The following PXDNL variants were observed in gnomAD, a reference collection of about 807,000 sequenced individuals.
The protein encoded by PXDNL is peroxidasin like.
PXDNL carries 145 observed loss-of-function variants against 150.8 expected under a neutral mutation model. The observed-to-expected ratio is 0.96, with a 90% confidence interval of 0.84 to 1.10. PXDNL has a LOEUF of 1.10. Ranked by LOEUF, PXDNL falls within the 50% of genes least tolerant of loss-of-function variation. PXDNL has a pLI of 0.00. For missense variants in PXDNL, 2,087 were observed against 1,873.9 expected (o/e 1.11, Z -2.10); for synonymous variants, 757 against 725.7 (o/e 1.04, Z -0.69).
intron 3 of PXDNL, among the ~76,000 whole-genome samples, chr8:51,585,853 G>A (rs1563473888): frequency 6.6e-6 from 1 of 151,778 alleles, no homozygotes; most frequent in African/African-American, 2.4e-5. Flanking sequence ...AGACCAACCT[G>A]CCACCCACCC....
At position 51,543,725 on chromosome 8, in the gene PXDNL, A is replaced by G. The variant is rs535169431; in HGVS notation, c.380+13115T>C. On this transcript the variant is annotated intron_variant, in intron 4 of 22. Coordinates refer to ENST00000356297, the MANE Select transcript of PXDNL (RefSeq NM_144651.5). ...GACTCCATATCAAAAAAAAAAAAAA[A>G]AAAAAAGAAAGAAAGAAATAATGAC... 2.2e-3 allele frequency among the ~76,000 whole-genome samples: 334 copies of G among 149,892 alleles called. 1 individual carries two copies. Among genetic ancestry groups the G allele is most frequent in the African/African-American group, 6.3e-3 (251 of 39,880 alleles).
chr8:51,407,709 G>C (rs1808475808), intron 17 of PXDNL, among the ~76,000 whole-genome samples: 1 of 152,156 alleles, frequency 6.6e-6, no homozygotes, highest in Non-Finnish European at 1.5e-5. Context: ...TGATCGGCCA[G>C]TTTATTTTAT....
At chr8:51,625,895 C>T (rs528586999) in intron 2 of PXDNL, among the ~76,000 whole-genome samples, 73 of 152,210 alleles carry the variant, frequency 4.8e-4, no homozygotes, top group African/African-American at 1.7e-3. Flanking sequence ...AACAGCCAAG[C>T]GAAGATTTAA....
Position 51,408,686 on chromosome 8 carries a change from T to C in PXDNL, c.2938A>G (p.Arg980Gly). ...AGGGCGGACAGCTCCGTGGCCATCC[T>C]GTTGTGTTCCCGGAACCACAGGGTG... ...MHTLWFREHN[R>G]MATELSALNP... Residue 980 changes from arginine to glycine, a missense_variant, in exon 17 of 23, where the codon AGG becomes GGG. By Grantham distance (125) the Arg-to-Gly change is moderately radical (BLOSUM62 -2). Coordinates refer to ENST00000356297, the MANE Select transcript of PXDNL (RefSeq NM_144651.5). 6.3e-7 allele frequency: 1 copy of C among 1,596,212 alleles called. No homozygotes were observed. Among genetic ancestry groups the C allele is most frequent in the Middle Eastern group, 1.7e-4 (1 of 6,042 alleles).
chr8:51,489,165 G>A (rs1010073677), intron 5 of PXDNL, among the ~76,000 whole-genome samples: 3 of 152,106 alleles, frequency 2.0e-5, no homozygotes, highest in Non-Finnish European at 2.9e-5. Flanking sequence ...ATCTCTAGAA[G>A]AGAAGACAGA....
intron 5 of PXDNL, among the ~76,000 whole-genome samples, chr8:51,497,809 A>G (rs1811088327): frequency 6.6e-6 from 1 of 152,238 alleles, no homozygotes; most frequent in Non-Finnish European, 1.5e-5. Context: ...GTGGAGAAAC[A>G]GGAACACTTT....
At chr8:51,796,363 C>CA (rs955277456) in intron 1 of PXDNL, among the ~76,000 whole-genome samples, 4 of 143,592 alleles carry the variant, frequency 2.8e-5, no homozygotes, top group African/African-American at 5.1e-5. Flanking sequence ...AAAAAACCTT[C>CA]AAAAAAATCA....
At chr8:51,388,862 G>C (rs943616892) in intron 17 of PXDNL, among the ~76,000 whole-genome samples, 3 of 151,658 alleles carry the variant, frequency 2.0e-5, no homozygotes, top group African/African-American at 7.3e-5. Flanking sequence ...TAGCTACTGA[G>C]ATCTTAATTT....
At chr8:51,648,579 G>C (rs1188351798) in intron 2 of PXDNL, among the ~76,000 whole-genome samples, 1 of 152,180 alleles carries the variant, frequency 6.6e-6, no homozygotes, top group Non-Finnish European at 1.5e-5. Context: ...AGAATTGTGA[G>C]AGAATCCATT....
At chr8:51,686,987 C>A (rs1430866128) in intron 1 of PXDNL, among the ~76,000 whole-genome samples, 2 of 151,974 alleles carry the variant, frequency 1.3e-5, no homozygotes, top group African/African-American at 4.8e-5. Context: ...GGACATTTTT[C>A]AGTAAAATAA....
intron 3 of PXDNL, among the ~76,000 whole-genome samples, chr8:51,569,238 G>T (rs1812881030): frequency 6.6e-6 from 1 of 151,846 alleles, no homozygotes; most frequent in African/African-American, 2.4e-5. Flanking sequence ...AAGGTGACTT[G>T]CAGCTTATTT....
chr8:51,775,578 T>C (rs1352229981), intron 1 of PXDNL, among the ~76,000 whole-genome samples: 1 of 152,198 alleles, frequency 6.6e-6, no homozygotes, highest in Admixed American at 6.5e-5. Context: ...CTTTTATAAT[T>C]TCTTATGCCT....
At chr8:51,378,730 G>A (rs1443031334) in intron 17 of PXDNL, among the ~76,000 whole-genome samples, 1 of 149,196 alleles carries the variant, frequency 6.7e-6, no homozygotes, top group Non-Finnish European at 1.5e-5. Context: ...GGACAGGACG[G>A]GAGGAACGAA....
At chr8:51,369,749 G>A (rs934369917) in intron 19 of PXDNL, among the ~76,000 whole-genome samples, 2 of 152,088 alleles carry the variant, frequency 1.3e-5, no homozygotes, top group Non-Finnish European at 2.9e-5. Flanking sequence ...CACTCACAGA[G>A]AAAGAGTATT....
At chr8:51,324,487 A>G (rs963425783) in intron 21 of PXDNL, among the ~76,000 whole-genome samples, 4 of 152,180 alleles carry the variant, frequency 2.6e-5, no homozygotes, top group African/African-American at 9.7e-5. Context: ...TGTGACTATG[A>G]TGTGTCTTGG....
intron 3 of PXDNL, among the ~76,000 whole-genome samples, chr8:51,563,985 A>G (rs1299656188): frequency 6.6e-6 from 1 of 152,036 alleles, no homozygotes; most frequent in Non-Finnish European, 1.5e-5. Context: ...TTGGAAAGTC[A>G]TTTCTATATA....
intron 5 of PXDNL, among the ~76,000 whole-genome samples, chr8:51,483,915 A>AT (rs1810662678): frequency 6.6e-6 from 1 of 152,110 alleles, no homozygotes; most frequent in African/African-American, 2.4e-5. Context: ...CTATATGGGT[A>AT]TTTTTTCACA....
chr8:51,432,481 A>C (rs1454771263), intron 12 of PXDNL, among the ~76,000 whole-genome samples: 4 of 152,198 alleles, frequency 2.6e-5, no homozygotes, highest in Admixed American at 2.6e-4. Flanking sequence ...TGATCTATAA[A>C]TCAATGTTGG....
intron 5 of PXDNL, among the ~76,000 whole-genome samples, chr8:51,490,483 G>T (rs1277275305): frequency 6.6e-6 from 1 of 151,768 alleles, no homozygotes; most frequent in African/African-American, 2.4e-5. Context: ...ATGGGATTGG[G>T]TAGTAGTTTC....
Sources: allele counts gnomAD v4.1 joint callset (sites outside exome capture counted in the v4.1 genomes callset), GRCh38; gene constraint gnomAD v4.1.1; transcripts MANE v1.5; gene names NCBI Gene and HGNC (gene_info 2026-07-23, HGNC 2026-07-21).